The following PCDHA2 variants were observed in gnomAD, a reference collection of about 807,000 sequenced individuals.
PCDHA2 encodes protocadherin alpha-2.
Under a neutral mutation model 66.0 loss-of-function variants are expected in PCDHA2, and 58 were observed. The observed-to-expected ratio is 0.88, with a 90% CI of 0.71 to 1.09. The LOEUF (loss-of-function observed/expected upper bound fraction) is 1.09. PCDHA2 is among the 50% of genes least tolerant of loss of function. The pLI, the probability that PCDHA2 is intolerant of heterozygous loss-of-function variation, is 0.00. For synonymous variants in PCDHA2, 634 were observed against 554.0 expected, an observed-to-expected ratio of 1.14 and a Z score of -2.03; for missense variants, 1,267 against 1,242.3, an observed-to-expected ratio of 1.02 and a Z score of -0.30.
At position 140,877,504 on chromosome 5, in the gene PCDHA2, A is replaced by T. The variant is rs532509235; in HGVS notation, c.2388+80152A>T. The T allele has an allele frequency of 1.1e-5, 18 of 1,613,764 alleles. No individual in the cohort carries two copies. The South Asian group carries it at 1.3e-4, about 12-fold the overall frequency. On this transcript the variant is annotated intron_variant, in intron 1 of 3. Coordinates refer to ENST00000526136, the MANE Select transcript of PCDHA2 (RefSeq NM_018905.3). ...GGTGGAGAACGGCCAGGCCCCAAAG[A>T]CGTCGTCGCGGGCCTCAGTGGGCGC...
intron 1 of PCDHA2, among the ~76,000 whole-genome samples, chr5:140,890,015 T>C (rs553399283): frequency 2.8e-4 from 43 of 152,210 alleles, no homozygotes; most frequent in African/African-American, 1.0e-3. Flanking sequence ...GCCAGAAAAA[T>C]GTAGAAGGCT....
At chr5:140,887,039 T>G (rs1396033565) in intron 1 of PCDHA2, among the ~76,000 whole-genome samples, 2 of 152,156 alleles carry the variant, frequency 1.3e-5, no homozygotes, top group African/African-American at 4.8e-5. Flanking sequence ...TTAATATTTT[T>G]TATAGTGCAT....
chr5:140,857,654 G>C, intron 1 of PCDHA2: 1 of 1,596,766 alleles, frequency 6.3e-7, no homozygotes, highest in South Asian at 1.1e-5. Flanking sequence ...CCAGGTGAGC[G>C]CGCGCGATGG....
chr5:140,836,453 G>T, intron 1 of PCDHA2: 1 of 1,613,854 alleles, frequency 6.2e-7, no homozygotes, highest in Non-Finnish European at 8.5e-7. Flanking sequence ...CAGGCCCAGA[G>T]ACCGAGCTGG....
chr5:140,837,869 G>T (rs1367921938), intron 1 of PCDHA2, among the ~76,000 whole-genome samples: 1 of 151,606 alleles, frequency 6.6e-6, no homozygotes, highest in African/African-American at 2.4e-5. Flanking sequence ...TGTAGAGACA[G>T]GGTGGAGTCT....
In PCDHA2 at chr5:140,803,652, A is replaced by G. The variant is rs17844265; in HGVS notation, c.2388+6300A>G. 2.6e-3 allele frequency: 4,144 copies of G among 1,610,988 alleles called. 100 individuals are homozygous for G. The Admixed American group carries it at 0.045, about 18-fold the overall frequency. On this transcript the variant is annotated intron_variant, in intron 1 of 3. Coordinates refer to ENST00000526136, the MANE Select transcript of PCDHA2 (RefSeq NM_018905.3). Reference sequence around the variant, plus strand: ...TTGTTTTTCATTCCTCAATGTTTCCACTCCTCTGGAAATACATTAATAGTT... The same window carrying G: ...TTGTTTTTCATTCCTCAATGTTTCCGCTCCTCTGGAAATACATTAATAGTT...
intron 1 of PCDHA2, chr5:140,823,648 C>T (rs1767819943): frequency 3.7e-6 from 6 of 1,613,904 alleles, no homozygotes; most frequent in Non-Finnish European, 5.1e-6. Flanking sequence ...CCGCGTGGGG[C>T]TGTACACAGG....
At chr5:140,998,196 C>T (rs960565673) in intron 3 of PCDHA2, among the ~76,000 whole-genome samples, 2 of 152,164 alleles carry the variant, frequency 1.3e-5, no homozygotes, top group African/African-American at 4.8e-5. Flanking sequence ...CAAGTATTAA[C>T]TCCTTTAATC....
At chr5:140,833,396 C>T (rs2150208184) in intron 1 of PCDHA2, among the ~76,000 whole-genome samples, 1 of 152,272 alleles carries the variant, frequency 6.6e-6, no homozygotes, top group Non-Finnish European at 1.5e-5. Flanking sequence ...TACCTCAAGA[C>T]TTGATCAAAG....
chr5:140,904,486 C>G (rs1396927518), intron 1 of PCDHA2, among the ~76,000 whole-genome samples: 2 of 151,508 alleles, frequency 1.3e-5, no homozygotes, highest in African/African-American at 2.4e-5. Context: ...TGGTCTGATT[C>G]CAAATTTTTA....
At chr5:140,822,175 A>G (rs1554128484) in intron 1 of PCDHA2, 1 of 1,614,258 alleles carries the variant, frequency 6.2e-7, no homozygotes, top group Admixed American at 1.7e-5. Flanking sequence ...CAGGTTCTCC[A>G]GACAAGAACA....
rs139246893 is a variant in PCDHA2 at position 140,808,648 on chromosome 5, C to T, written c.2388+11296C>T. On this transcript the variant is annotated intron_variant, in intron 1 of 3. Coordinates refer to ENST00000526136, the MANE Select transcript of PCDHA2 (RefSeq NM_018905.3). Reference sequence around the variant, plus strand: ...CGTGGGACGCGGACGCGCAGGAGAACGCGCTGGTGTCCTACTCGCTGGTAG... The same window carrying T: ...CGTGGGACGCGGACGCGCAGGAGAATGCGCTGGTGTCCTACTCGCTGGTAG... 1.2e-5 allele frequency: 19 copies of T among 1,613,212 alleles called. No individual in the cohort carries two copies. In the African/African-American group the frequency reaches 2.5e-4, roughly 22 times the overall value.
In PCDHA2 at chr5:140,823,746, G is replaced by A. The variant is rs1554129586; in HGVS notation, c.2388+26394G>A. On this transcript the variant is annotated intron_variant, in intron 1 of 3. Transcript: ENST00000526136. ...TGGTGAAGGACCATGGAGAGCCCCC[G>A]CTGACAGCCACAGCCACAGTGCTGG... 6 of 1,613,840 alleles carry A rather than the reference G, an allele frequency of 3.7e-6. No homozygotes were observed. The East Asian group carries it at 6.7e-5, about 18-fold the overall frequency.
rs2150463409 is a variant in PCDHA2 at position 140,850,016 on chromosome 5, C to G, written c.2388+52664C>G. On this transcript the variant is annotated intron_variant, in intron 1 of 3. Transcript: ENST00000526136. ...TGGGCGAGCGCTCGCTGTCGAGCTA[C>G]GTGTCAGTGCACGCGGAGAGCGGCA... The G allele has an allele frequency of 2.5e-5, 40 of 1,596,912 alleles. 3 individuals are homozygous for G. The South Asian group carries it at 4.1e-4, about 16-fold the overall frequency.
At position 141,010,234 on chromosome 5, in the gene PCDHA2, T is replaced by C. The variant is rs1455330920; in HGVS notation, c.*297T>C. 1 of 1,551,824 alleles carries C rather than the reference T, an allele frequency of 6.4e-7. No individual in the cohort carries two copies. Among genetic ancestry groups the C allele is most frequent in the Non-Finnish European group, 8.7e-7 (1 of 1,147,042 alleles). On this transcript the variant is annotated 3_prime_UTR_variant, in exon 4 of 4. Transcript: ENST00000526136. ...AGGAGAGGCTTCCCAGCCCCGCCAG[T>C]GAGAGGTTGGACTCTCTGCCCTGTG...
intron 1 of PCDHA2, among the ~76,000 whole-genome samples, chr5:140,832,776 C>T (rs1336330219): frequency 4.6e-5 from 7 of 152,078 alleles, no homozygotes; most frequent in African/African-American, 1.7e-4. Flanking sequence ...GTAAGAGGTG[C>T]TAGAAAGGTA....
chr5:140,968,789 G>C, intron 1 of PCDHA2: 5 of 1,614,180 alleles, frequency 3.1e-6, no homozygotes, highest in Non-Finnish European at 4.2e-6. Context: ...AGCCTCTGTG[G>C]CCATTACAGT....
intron 1 of PCDHA2, among the ~76,000 whole-genome samples, chr5:140,977,005 A>C (rs982594376): frequency 3.3e-5 from 5 of 152,156 alleles, no homozygotes; most frequent in Non-Finnish European, 5.9e-5. Flanking sequence ...AAATCTTGTA[A>C]CTGTGATTCT....
chr5:140,801,295 A>C lies in PCDHA2; in HGVS notation c.2388+3943A>C, dbSNP rs781856490. On this transcript the variant is annotated intron_variant, in intron 1 of 3. Coordinates refer to ENST00000526136, the MANE Select transcript of PCDHA2 (RefSeq NM_018905.3). ...GAGGTGGGGAGCGGCCAGCTCCACT[A>C]CTCCGTCTCTGAGGAGGCCAAGCAT... 4 of 1,613,202 alleles carry C rather than the reference A, an allele frequency of 2.5e-6. No individual in the cohort carries two copies. In the South Asian group the frequency reaches 4.4e-5, roughly 18 times the overall value.
Sources: gnomAD v4.1 joint callset for allele counts (sites outside exome capture counted in the v4.1 genomes callset) on GRCh38, gnomAD v4.1.1 for gene constraint, MANE v1.5 for transcripts, NCBI Gene and HGNC (gene_info 2026-07-23, HGNC 2026-07-21) for gene names.